WWOX: variants seen among roughly 807,000 people sequenced by gnomAD.
The protein encoded by WWOX is WW domain-containing oxidoreductase.
In WWOX, 69 loss-of-function variants were observed where a neutral mutation model predicts 46.2. That is an observed-to-expected ratio of 1.49 (90% CI 1.23 to 1.82). The LOEUF is 1.82. Ranked by LOEUF, WWOX falls within the 40% of genes most tolerant of loss-of-function variation. WWOX has a pLI of 0.00. For missense variants in WWOX, 919 were observed against 542.6 expected (o/e 1.69, Z -6.89); for synonymous variants, 359 against 202.6 (o/e 1.77, Z -6.56).
chr16:78,328,180 T>C (rs2080672309), intron 5 of WWOX, among the ~76,000 whole-genome samples: 2 of 152,106 alleles, frequency 1.3e-5, no homozygotes, highest in Non-Finnish European at 2.9e-5. Flanking sequence ...TGAGTTCTGA[T>C]TTCTTAAATT....
chr16:79,054,818 C>G lies in WWOX; in HGVS notation c.1057-156790C>G, dbSNP rs190076344. On this transcript the variant is annotated intron_variant, in intron 8 of 8. Transcript: ENST00000566780. The stretch of plus-strand genomic sequence containing the variant: ...TCCAGCCTGGATGAAAGAGTATGAC[C>G]TTTGTCTCAAAACAAACAAAGAAAA... 3.1e-3 allele frequency among the ~76,000 whole-genome samples: 479 copies of G among 152,206 alleles called. 1 individual carries two copies. Among genetic ancestry groups the G allele is most frequent in the Admixed American group, 5.2e-3 (79 of 15,270 alleles).
rs576284164 is a variant in WWOX, at chr16:78,888,998, C to G, written c.1057-322610C>G. On this transcript the variant is annotated intron_variant, in intron 8 of 8. Transcript: ENST00000566780. The stretch of plus-strand genomic sequence containing the variant: ...TTCCCTGGTCAGTCCTCCTCACCAC[C>G]TCCAGCTCCCCCTAGAAACTGACCA... Among the ~76,000 whole-genome samples the G allele has an allele frequency of 7.2e-5, 11 of 152,176 alleles. No homozygotes were observed. In the East Asian group the frequency reaches 1.7e-3, roughly 24 times the overall value.
chr16:78,966,196 A>G (rs1384910099), intron 8 of WWOX, among the ~76,000 whole-genome samples: 3 of 152,356 alleles, frequency 2.0e-5, no homozygotes, highest in East Asian at 3.9e-4. Flanking sequence ...TATCTCAGGA[A>G]CAAAAAAGTC....
intron 6 of WWOX, among the ~76,000 whole-genome samples, chr16:78,392,297 A>G (rs1352160483): frequency 6.6e-6 from 1 of 152,120 alleles, no homozygotes; most frequent in Non-Finnish European, 1.5e-5. Flanking sequence ...CAAGGGATCT[A>G]GGCTGCATGC....
intron 8 of WWOX, among the ~76,000 whole-genome samples, chr16:78,920,745 A>G (rs13333820): frequency 0.016 from 2,486 of 152,232 alleles, 71 homozygotes; most frequent in African/African-American, 0.057. Flanking sequence ...TATCAGCACC[A>G]TTTCATCTGC....
chr16:78,618,231 A>G (rs972909662), intron 8 of WWOX, among the ~76,000 whole-genome samples: 4 of 152,296 alleles, frequency 2.6e-5, no homozygotes, highest in South Asian at 4.1e-4. Context: ...TCCATCTGAA[A>G]TGGAAAAGCA....
intron 8 of WWOX, among the ~76,000 whole-genome samples, chr16:78,758,381 C>G (rs2049709600): frequency 1.3e-5 from 2 of 152,154 alleles, no homozygotes; most frequent in African/African-American, 4.8e-5. Flanking sequence ...TTGGGCAAGA[C>G]AAAGGGAATA....
chr16:78,727,164 C>T (rs1002450898), intron 8 of WWOX, among the ~76,000 whole-genome samples: 6 of 152,208 alleles, frequency 3.9e-5, no homozygotes, highest in East Asian at 3.9e-4. Flanking sequence ...TTTGGGAGGC[C>T]AAGGTGGGCA....
chr16:78,797,582 C>T (rs2050777129), intron 8 of WWOX, among the ~76,000 whole-genome samples: 1 of 152,070 alleles, frequency 6.6e-6, no homozygotes, highest in Non-Finnish European at 1.5e-5. Flanking sequence ...GGGCTTTAGT[C>T]ATGTCAATAT....
chr16:78,136,429 C>G (rs779557765), intron 4 of WWOX, among the ~76,000 whole-genome samples: 1 of 152,166 alleles, frequency 6.6e-6, no homozygotes, highest in African/African-American at 2.4e-5. Context: ...CTTTGGTGTT[C>G]ATTGAGTCAT....
chr16:78,661,359 C>T (rs775064010), intron 8 of WWOX, among the ~76,000 whole-genome samples: 3 of 152,086 alleles, frequency 2.0e-5, no homozygotes, highest in Non-Finnish European at 4.4e-5. Flanking sequence ...TCTTCTGAAG[C>T]GACCACTTCA....
intron 6 of WWOX, among the ~76,000 whole-genome samples, chr16:78,419,244 C>T (rs952762712): frequency 6.6e-6 from 1 of 152,110 alleles, no homozygotes; most frequent in Non-Finnish European, 1.5e-5. Context: ...AGTGCAATCT[C>T]TATTAAAATT....
intron 8 of WWOX, among the ~76,000 whole-genome samples, chr16:79,178,109 A>G (rs916083052): frequency 5.9e-5 from 9 of 152,194 alleles, no homozygotes; most frequent in African/African-American, 1.9e-4. Context: ...ATCTTCTAAT[A>G]TTATCACATT....
At chr16:78,501,438 C>G (rs1184682945) in intron 8 of WWOX, among the ~76,000 whole-genome samples, 5 of 151,984 alleles carry the variant, frequency 3.3e-5, no homozygotes, top group Non-Finnish European at 7.4e-5. Context: ...AAATAGCTCA[C>G]CCAGCTTTTC....
chr16:79,083,773 G>C (rs1012189118), intron 8 of WWOX, among the ~76,000 whole-genome samples: 9 of 151,970 alleles, frequency 5.9e-5, no homozygotes, highest in African/African-American at 2.2e-4. Flanking sequence ...TGGAGCTCCG[G>C]AGTTCCCATC....
chr16:78,796,765 A>G (rs1299605298), intron 8 of WWOX, among the ~76,000 whole-genome samples: 1 of 151,148 alleles, frequency 6.6e-6, no homozygotes, highest in Non-Finnish European at 1.5e-5. Context: ...CCAGCCACTC[A>G]TTGCTGTGTG....
chr16:79,042,609 A>G (rs1194198267), intron 8 of WWOX, among the ~76,000 whole-genome samples: 3 of 152,220 alleles, frequency 2.0e-5, no homozygotes, highest in Non-Finnish European at 4.4e-5. Flanking sequence ...CAAATTAACT[A>G]TACATGCAAG....
At chr16:78,326,003 G>A (rs187129405) in intron 5 of WWOX, among the ~76,000 whole-genome samples, 3 of 152,220 alleles carry the variant, frequency 2.0e-5, no homozygotes, top group African/African-American at 7.2e-5. Flanking sequence ...CTCTTTTGCA[G>A]ATGAGGAAAT....
chr16:78,381,689 C>T (rs1014020806), intron 5 of WWOX, among the ~76,000 whole-genome samples: 1 of 152,162 alleles, frequency 6.6e-6, no homozygotes, highest in Non-Finnish European at 1.5e-5. Flanking sequence ...CATTTTACAG[C>T]ATTTCAAGAT....
Sources: allele counts gnomAD v4.1 joint callset (sites outside exome capture counted in the v4.1 genomes callset), GRCh38; gene constraint gnomAD v4.1.1; transcripts MANE v1.5; gene names NCBI Gene and HGNC (gene_info 2026-07-23, HGNC 2026-07-21).